IGF1R: variants seen among roughly 807,000 people sequenced by gnomAD.
IGF1R encodes insulin like growth factor 1 receptor.
IGF1R carries 44 observed loss-of-function variants against 144.6 expected under a neutral mutation model. That is an observed-to-expected ratio of 0.30 (90% CI 0.24 to 0.39). The LOEUF is 0.39. Among genes scored for constraint, IGF1R ranks in the 10% least tolerant of loss-of-function variants. The probability of loss-of-function intolerance (pLI) is 1.00; values close to 1 mark genes in which losing one functional copy is unlikely to be tolerated. For missense variants in IGF1R, 1,355 were observed against 1,833.7 expected (o/e 0.74, Z 4.77); for synonymous variants, 795 against 722.8 (o/e 1.10, Z -1.60).
At chr15:98,857,450 C>T (rs2011888946) in intron 2 of IGF1R, among the ~76,000 whole-genome samples, 2 of 152,246 alleles carry the variant, frequency 1.3e-5, no homozygotes, top group South Asian at 4.1e-4. Context: ...AACTCCTGAC[C>T]TCAAGTGATC....
intron 2 of IGF1R, among the ~76,000 whole-genome samples, chr15:98,790,911 C>T (rs879601317): frequency 2.0e-5 from 3 of 152,138 alleles, no homozygotes; most frequent in Non-Finnish European, 2.9e-5. Flanking sequence ...CAGAAAGTGA[C>T]GTTGGTTAAT....
chr15:98,866,994 C>G (rs553037616), intron 2 of IGF1R, among the ~76,000 whole-genome samples: 1 of 152,178 alleles, frequency 6.6e-6, no homozygotes, highest in Non-Finnish European at 1.5e-5. Context: ...TCATGACATC[C>G]TGAGCAGTGA....
At chr15:98,937,957 G>A (rs1014866697) in intron 17 of IGF1R, among the ~76,000 whole-genome samples, 1 of 152,208 alleles carries the variant, frequency 6.6e-6, no homozygotes, top group African/African-American at 2.4e-5. Context: ...ATAACCACGT[G>A]ATAAGTGTTT....
At chr15:98,869,255 T>G (rs2012637990) in intron 2 of IGF1R, among the ~76,000 whole-genome samples, 2 of 151,878 alleles carry the variant, frequency 1.3e-5, no homozygotes, top group Non-Finnish European at 2.9e-5. Flanking sequence ...TTATATGTTG[T>G]CTAATTCCAA....
chr15:98,788,062 C>CTGTGTGTGTGTG (rs59500414), intron 2 of IGF1R, among the ~76,000 whole-genome samples: 8 of 131,032 alleles, frequency 6.1e-5, no homozygotes, highest in African/African-American at 2.4e-4. Flanking sequence ...CTCTCTCTCT[C>CTGTGTGTGTGTG]TGTGTGTGTG....
intron 2 of IGF1R, among the ~76,000 whole-genome samples, chr15:98,861,293 A>G (rs1214107004): frequency 6.6e-6 from 1 of 152,224 alleles, no homozygotes; most frequent in Non-Finnish European, 1.5e-5. Context: ...AGATAAATAT[A>G]CATGCAGGGA....
intron 2 of IGF1R, among the ~76,000 whole-genome samples, chr15:98,846,250 C>T (rs368124319): frequency 6.6e-6 from 1 of 152,134 alleles, no homozygotes; most frequent in South Asian, 2.1e-4. Flanking sequence ...GCATTTGTAC[C>T]GTGGTGTTGA....
At chr15:98,884,170 C>T (rs566756095) in intron 2 of IGF1R, among the ~76,000 whole-genome samples, 54 of 152,212 alleles carry the variant, frequency 3.5e-4, no homozygotes, top group African/African-American at 1.2e-3. Flanking sequence ...GCCTTGGCCA[C>T]GGTGTGTGCT....
At chr15:98,929,026 T>C (rs1231789779) in intron 13 of IGF1R, among the ~76,000 whole-genome samples, 1 of 152,186 alleles carries the variant, frequency 6.6e-6, no homozygotes, top group Non-Finnish European at 1.5e-5. Flanking sequence ...TTTCTATTCA[T>C]TTTATGAAAA....
At position 98,959,856 on chromosome 15, in the gene IGF1R, A is replaced by T. The variant is rs1337433949; in HGVS notation, c.*2414A>T. 9.7e-4 allele frequency: 40 copies of T among 41,248 alleles called. 1 individual carries two copies. Among genetic ancestry groups the T allele is most frequent in the East Asian group, 7.1e-3 (38 of 5,370 alleles). The allele number at this position is 41,248 out of a possible 1,614,324, so 2.6% of individuals were successfully genotyped here. On this transcript the variant is annotated 3_prime_UTR_variant, in exon 21 of 21. Transcript: ENST00000650285. ...TCTATCCCATAGCGTGTTCCCTTTA[A>T]AAAAAAAAAAAAGGTATTATATGTA... is the stretch of plus-strand genomic sequence containing the variant.
chr15:98,961,427 G>A lies in IGF1R; in HGVS notation c.*3985G>A, dbSNP rs1237532334. On this transcript the variant is annotated 3_prime_UTR_variant, in exon 21 of 21. Coordinates refer to ENST00000650285, the MANE Select transcript of IGF1R (RefSeq NM_000875.5). ...CAATAAAAGAGAAAACTTGGCTTGT[G>A]TGATGGTGCAGTCACTTTACTGGAC... 1 of 233,390 alleles carries A rather than the reference G, an allele frequency of 4.3e-6. No individual in the cohort carries two copies. The highest frequency in any genetic ancestry group is 8.5e-6 in the Non-Finnish European group (1 of 118,036). 14.5% of individuals were successfully genotyped at this position (233,390 alleles called of 1,614,324 possible).
chr15:98,690,106 C>G (rs2053439096), intron 1 of IGF1R, among the ~76,000 whole-genome samples: 1 of 152,130 alleles, frequency 6.6e-6, no homozygotes, highest in South Asian at 2.1e-4. Flanking sequence ...CTTTGGGAGA[C>G]TAAGACAGGA....
intron 1 of IGF1R, among the ~76,000 whole-genome samples, chr15:98,656,736 AGGT>A (rs150183067): frequency 1.0e-3 from 153 of 151,972 alleles, no homozygotes; most frequent in Admixed American, 8.4e-3. Flanking sequence ...TTAATACCAT[AGGT>A]CTCTACTTCA....
chr15:98,821,293 CT>C (rs1032854999), intron 2 of IGF1R, among the ~76,000 whole-genome samples: 8 of 150,532 alleles, frequency 5.3e-5, no homozygotes, highest in Admixed American at 3.9e-4. Flanking sequence ...TCCCCCCCCC[CT>C]TTTTAAACTG....
rs747107423 is a variant in IGF1R, at chr15:98,891,524, C to T, written c.840C>T (p.Asp280=). The T allele has an allele frequency of 2.5e-6, 4 of 1,613,384 alleles. No homozygotes were observed. Among genetic ancestry groups the T allele is most frequent in the Middle Eastern group, 3.3e-4 (2 of 6,062 alleles). Residue 280 remains aspartate (D), a synonymous_variant, in exon 3 of 21, where the codon GAC becomes GAT. Transcript: ENST00000650285. The surrounding 1 kb of genome is among the most constrained non-coding windows in gnomAD (Gnocchi z 4.7). ...AGGGCTGGCGCTGTGTGGACCGTGA[C>T]TTCTGCGCCAACATCCTCAGCGCCG... ...RFEGWRCVDR[D]FCANILSAES... is the part of the protein sequence containing the mutation.
intron 5 of IGF1R, among the ~76,000 whole-genome samples, chr15:98,905,131 C>A (rs953361232): frequency 6.6e-6 from 1 of 152,146 alleles, no homozygotes; most frequent in Non-Finnish European, 1.5e-5. Flanking sequence ...AGATGGAGTG[C>A]TCTGAACCGT....
intron 2 of IGF1R, among the ~76,000 whole-genome samples, chr15:98,889,745 C>G (rs567744743): frequency 8.5e-5 from 13 of 152,100 alleles, no homozygotes; most frequent in African/African-American, 2.9e-4. Flanking sequence ...CTTACTTGTT[C>G]TCTATATTCT....
rs149559330 is a variant in IGF1R, at chr15:98,896,895, C to A, written c.1092C>A (p.Ile364=). Residue 364 remains isoleucine (I), a synonymous_variant, in exon 4 of 21, where the codon ATC becomes ATA. Transcript: ENST00000650285. ...TCAAGGGCAATTTGCTCATTAACAT[C>A]CGACGGGGGAGTAAGTATTCCATCC... ...TIFKGNLLIN[I]RRGNNIASEL... 1.2e-6 allele frequency: 2 copies of A among 1,614,034 alleles called. No homozygotes were observed. Among genetic ancestry groups the A allele is most frequent in the South Asian group, 1.1e-5 (1 of 91,070 alleles).
intron 13 of IGF1R, among the ~76,000 whole-genome samples, chr15:98,925,427 TTC>T (rs746866158): frequency 1.3e-5 from 2 of 152,274 alleles, no homozygotes; most frequent in Non-Finnish European, 2.9e-5. Flanking sequence ...TGTGTTGAGT[TTC>T]TGTTATTTCT....
Sources: allele counts gnomAD v4.1 joint callset (sites outside exome capture counted in the v4.1 genomes callset), GRCh38; gene constraint gnomAD v4.1.1; non-coding constraint Gnocchi (gnomAD v3.1); transcripts MANE v1.5; gene names NCBI Gene and HGNC (gene_info 2026-07-23, HGNC 2026-07-21).